BCAS3: variants seen among roughly 807,000 people sequenced by gnomAD.
The protein encoded by BCAS3 is BCAS4/BCAS3 fusion.
A neutral mutation model predicts 116.1 loss-of-function variants in BCAS3; 53 were observed. The ratio of observed to expected loss-of-function variants is 0.46; its 90% CI spans 0.37 to 0.57. The LOEUF is 0.57. Among genes scored for constraint, BCAS3 ranks in the 20% least tolerant of loss-of-function variants. The probability of loss-of-function intolerance (pLI) is 0.00; values close to 1 mark genes in which losing one functional copy is unlikely to be tolerated. For synonymous variants in BCAS3, 391 were observed against 408.2 expected (o/e 0.96, Z 0.51); for missense variants, 917 against 1,165.4 (o/e 0.79, Z 3.10).
At chr17:60,978,389 A>G (rs1433480716) in intron 14 of BCAS3, among the ~76,000 whole-genome samples, 1 of 151,040 alleles carries the variant, frequency 6.6e-6, no homozygotes, top group Non-Finnish European at 1.5e-5. Context: ...GTCATTGTAG[A>G]TTCTGGATAT....
intron 22 of BCAS3, among the ~76,000 whole-genome samples, chr17:61,329,514 G>A (rs1234906233): frequency 6.6e-6 from 1 of 151,302 alleles, no homozygotes; most frequent in Admixed American, 6.6e-5. Flanking sequence ...CTAATTTTTT[G>A]TATTTTTTAG....
At chr17:60,682,022 G>A (rs1484632103) in intron 2 of BCAS3, among the ~76,000 whole-genome samples, 13 of 152,214 alleles carry the variant, frequency 8.5e-5, no homozygotes, top group Admixed American at 4.6e-4. Context: ...GAGCCACCGC[G>A]CCCGGCCTAA....
intron 10 of BCAS3, among the ~76,000 whole-genome samples, chr17:60,895,240 A>G (rs1424563445): frequency 6.6e-6 from 1 of 152,074 alleles, no homozygotes; most frequent in Non-Finnish European, 1.5e-5. Context: ...ACTACTCATT[A>G]TTGGTCTGCT....
intron 4 of BCAS3, among the ~76,000 whole-genome samples, chr17:60,703,780 G>T (rs1386984983): frequency 1.3e-5 from 2 of 151,748 alleles, no homozygotes; most frequent in Non-Finnish European, 2.9e-5. Flanking sequence ...CGGGCGCGGT[G>T]GTGGGCGCCT....
intron 22 of BCAS3, among the ~76,000 whole-genome samples, chr17:61,242,539 C>T (rs1217723516): frequency 6.6e-6 from 1 of 152,168 alleles, no homozygotes; most frequent in Non-Finnish European, 1.5e-5. Context: ...CCTGTGATGC[C>T]TAGACCCTTC....
intron 7 of BCAS3, among the ~76,000 whole-genome samples, chr17:60,838,493 A>T (rs1033281844): frequency 3.3e-5 from 5 of 151,726 alleles, no homozygotes; most frequent in Non-Finnish European, 7.4e-5. Context: ...AAATACTATA[A>T]GACCCCCGAG....
chr17:60,861,098 C>T (rs897491868), intron 7 of BCAS3, among the ~76,000 whole-genome samples: 13 of 152,074 alleles, frequency 8.5e-5, no homozygotes, highest in Admixed American at 3.3e-4. Flanking sequence ...GACATTTTAA[C>T]GATATTGAGT....
chr17:61,188,371 A>T lies in BCAS3; in HGVS notation c.2425+103807A>T, dbSNP rs2079900542. Among the ~76,000 whole-genome samples the T allele has an allele frequency of 6.6e-6, 1 of 152,230 alleles. No homozygotes were observed. The highest frequency in any genetic ancestry group is 2.1e-4 in the South Asian group (1 of 4,834). ...GAAATGTAAAGAGAGTGCTTGTATAATAAGAAGTGTGTTCTCCATGGAATT... is the reference window on the plus strand; with the variant it reads ...GAAATGTAAAGAGAGTGCTTGTATATTAAGAAGTGTGTTCTCCATGGAATT... On this transcript the variant is annotated intron_variant, in intron 22 of 23. Transcript: ENST00000407086. This position sits in a 1 kb window ranked among gnomAD's most constrained non-coding sequence, Gnocchi z 4.0.
chr17:60,770,286 C>CCTTTTT (rs2044532275), intron 6 of BCAS3, among the ~76,000 whole-genome samples: 1 of 152,110 alleles, frequency 6.6e-6, no homozygotes, highest in South Asian at 2.1e-4. Context: ...TCTGTCTCAC[C>CCTTTTT]CTTTTTCTCT....
chr17:60,756,919 G>T (rs767676932), intron 6 of BCAS3, among the ~76,000 whole-genome samples: 2 of 152,072 alleles, frequency 1.3e-5, no homozygotes, highest in Non-Finnish European at 2.9e-5. Flanking sequence ...AGGCGCGGTG[G>T]CTCATGTCTG....
Position 60,880,816 on chromosome 17 carries a change from T to G in BCAS3, c.661+6078T>G, listed in dbSNP as rs187263163. ...AATGTGCTTATTTGCCATTTGTATA[T>G]CTCTGTCCATTTTTAAATTATTTGT... On this transcript the variant is annotated intron_variant, in intron 9 of 23. Coordinates refer to ENST00000407086, the MANE Select transcript of BCAS3 (RefSeq NM_017679.5). Among the ~76,000 whole-genome samples the G allele has an allele frequency of 8.5e-4, 129 of 152,302 alleles. 1 individual carries two copies. In the East Asian group the frequency reaches 0.022, roughly 26 times the overall value.
chr17:61,099,973 T>C (rs2074220379), intron 22 of BCAS3, among the ~76,000 whole-genome samples: 1 of 152,252 alleles, frequency 6.6e-6, no homozygotes, highest in African/African-American at 2.4e-5. Flanking sequence ...CTTGTACTTA[T>C]GCTCTAGACA....
intron 7 of BCAS3, among the ~76,000 whole-genome samples, chr17:60,836,687 T>G (rs1352645507): frequency 1.3e-5 from 2 of 152,224 alleles, no homozygotes; most frequent in African/African-American, 2.4e-5. Context: ...TTATTAATAT[T>G]ATTTACAGAT....
intron 6 of BCAS3, among the ~76,000 whole-genome samples, chr17:60,752,512 C>G (rs2042576344): frequency 6.6e-6 from 1 of 151,760 alleles, no homozygotes; most frequent in Non-Finnish European, 1.5e-5. Context: ...CAAGCTCCGT[C>G]TGCTAGGTTC....
At chr17:60,935,706 TTATC>T (rs1436303757) in intron 13 of BCAS3, among the ~76,000 whole-genome samples, 1 of 152,162 alleles carries the variant, frequency 6.6e-6, no homozygotes, top group African/African-American at 2.4e-5. Flanking sequence ...CTTTGAAACT[TTATC>T]TTTCATCTAA....
Position 60,868,605 on chromosome 17 carries a change from T to C in BCAS3, c.506T>C (p.Leu169Pro). ...AGCCCACCGTACTGTTGTGTGGATC[T>C]GTATTCACTTCGTACTGGGGAGATG... The part of the protein sequence containing the change: ...GTSPPYCCVD[L>P]YSLRTGEMVK... Residue 169 changes from leucine to proline, a missense_variant, in exon 8 of 24, where the codon CTG (leucine) becomes CCG (proline). Leu to Pro is a moderately conservative substitution (Grantham distance 98). Around this residue, in one of 3 missense-constraint regions of BCAS3, gnomAD observed 807 missense variants for 1,026.0 expected, o/e 0.79. Transcript: ENST00000407086. 1 of 1,598,238 alleles carries C rather than the reference T, an allele frequency of 6.3e-7. No individual in the cohort carries two copies. The highest frequency in any genetic ancestry group is 1.1e-5 in the South Asian group (1 of 88,006).
intron 22 of BCAS3, among the ~76,000 whole-genome samples, chr17:61,119,206 G>A (rs147706090): frequency 7.0e-4 from 107 of 152,168 alleles, no homozygotes; most frequent in African/African-American, 2.3e-3. Context: ...TCTCAGAGAG[G>A]CTTTTAAAAA....
At position 61,144,140 on chromosome 17, in the gene BCAS3, C is replaced by G. The variant is rs1242952222; in HGVS notation, c.2425+59576C>G. 6.6e-6 allele frequency among the ~76,000 whole-genome samples: 1 copy of G among 151,882 alleles called. No homozygotes were observed. Among genetic ancestry groups the G allele is most frequent in the Admixed American group, 6.6e-5 (1 of 15,242 alleles). ...TTCTACTCTTTTTTTTGCCGTTGTC[C>G]CTATTTTTTGCCACTGGTAAACTCC... On this transcript the variant is annotated intron_variant, in intron 22 of 23. Coordinates refer to ENST00000407086, the MANE Select transcript of BCAS3 (RefSeq NM_017679.5). The surrounding 1 kb of genome is among the most constrained non-coding windows in gnomAD (Gnocchi z 5.0).
intron 19 of BCAS3, among the ~76,000 whole-genome samples, chr17:61,072,692 A>AG (rs1436666556): frequency 1.1e-4 from 16 of 151,770 alleles, no homozygotes; most frequent in Admixed American, 3.3e-4. Flanking sequence ...AAAAAAAAAA[A>AG]AAGAAGAAAG....
Sources: allele counts gnomAD v4.1 joint callset (sites outside exome capture counted in the v4.1 genomes callset), GRCh38; gene constraint gnomAD v4.1.1; regional missense constraint gnomAD v4.1.1; non-coding constraint Gnocchi (gnomAD v3.1); transcripts MANE v1.5; gene names NCBI Gene and HGNC (gene_info 2026-07-23, HGNC 2026-07-21).